The following ZNF623 variants were observed in gnomAD, a reference collection of about 807,000 sequenced individuals.
ZNF623 encodes zinc finger protein 623.
Under a neutral mutation model 24.0 loss-of-function variants are expected in ZNF623, and 16 were observed. The observed-to-expected ratio is 0.67, with a 90% CI of 0.45 to 1.01. The LOEUF is 1.01. Ranked by LOEUF, ZNF623 falls within the 50% of genes least tolerant of loss-of-function variation. The pLI is 0.00. For missense variants in ZNF623, 566 were observed against 606.5 expected (o/e 0.93, Z 0.70); for synonymous variants, 224 against 219.8 (o/e 1.02, Z -0.17).
intron 1 of ZNF623, among the ~76,000 whole-genome samples, chr8:143,646,687 CAG>C (rs1016201212): frequency 6.6e-6 from 1 of 151,806 alleles, no homozygotes; most frequent in Non-Finnish European, 1.5e-5. Context: ...TTGTTTGAGA[CAG>C]GGTTTTGCTC....
At chr8:143,637,804 T>C (rs556355270) in intron 1 of ZNF623, among the ~76,000 whole-genome samples, 16 of 152,012 alleles carry the variant, frequency 1.1e-4, no homozygotes, top group Non-Finnish European at 2.2e-4. Context: ...CACCTCGGCT[T>C]CCCAAACTGC....
chr8:143,642,184 A>C (rs978119480), intron 1 of ZNF623, among the ~76,000 whole-genome samples: 3 of 152,216 alleles, frequency 2.0e-5, no homozygotes, highest in African/African-American at 7.2e-5. Flanking sequence ...TAAAGCTTGC[A>C]GCTTCACCTT....
Position 143,651,421 on chromosome 8 carries a change from A to G in ZNF623, c.1429A>G (p.Lys477Glu). ...RVHQEGLSLSKAPIHLGERSV... is the reference protein window; with the variant it reads ...RVHQEGLSLSEAPIHLGERSV... Reference sequence around the variant, plus strand: ...TCACCAAGAGGGACTCTCCTTGAGTAAGGCCCCCATACATTTGGGTGAGAG... The same window carrying G: ...TCACCAAGAGGGACTCTCCTTGAGTGAGGCCCCCATACATTTGGGTGAGAG... Residue 477 changes from lysine (K) to glutamate (E), a missense_variant, in exon 2 of 2, where the codon AAG becomes GAG. By Grantham distance (56) the Lys-to-Glu change is moderately conservative. Around this residue, in one of 3 missense-constraint regions of ZNF623, gnomAD observed 136 missense variants for 131.9 expected, o/e 1.03. Coordinates refer to ENST00000526926, the MANE Select transcript of ZNF623 (RefSeq NM_001261843.2). The G allele has an allele frequency of 6.2e-7, 1 of 1,612,520 alleles. No homozygotes were observed. Among genetic ancestry groups the G allele is most frequent in the Non-Finnish European group, 8.5e-7 (1 of 1,179,452 alleles).
In ZNF623 at chr8:143,653,489, ACACCTGTGTAACCACCAC is replaced by A. The variant is rs557845756; in HGVS notation, c.*2026_*2043del. ...GTGTACAAGGTTTTGAAAAATCTAT[ACACCTGTGTAACCACCAC>A]CACCTGTGTAACCACCACCGCCAGA... On this transcript the variant is annotated 3_prime_UTR_variant, in exon 2 of 2. Transcript: ENST00000526926. 1.5e-4 allele frequency: 25 copies of A among 167,174 alleles called. No homozygotes were observed. The highest frequency in any genetic ancestry group is 3.4e-3 in the Middle Eastern group (1 of 296). 10.4% of individuals were successfully genotyped at this position (167,174 alleles called of 1,614,324 possible). A position where few individuals can be genotyped will look rare whatever the true frequency, so the allele number is the denominator to read the frequency against.
chr8:143,649,426 G>T (rs867283181), intron 1 of ZNF623, among the ~76,000 whole-genome samples: 11 of 152,152 alleles, frequency 7.2e-5, no homozygotes, highest in Non-Finnish European at 1.0e-4. Flanking sequence ...GTGCAGGAGG[G>T]TGATTCTCAT....
At chr8:143,646,240 G>C (rs1286133192) in intron 1 of ZNF623, among the ~76,000 whole-genome samples, 1 of 152,114 alleles carries the variant, frequency 6.6e-6, no homozygotes, top group Admixed American at 6.6e-5. Context: ...ATGGAGTCTT[G>C]CTATGTTGCC....
chr8:143,651,160 C>A lies in ZNF623; in HGVS notation c.1168C>A (p.Pro390Thr). 1 of 1,614,146 alleles carries A rather than the reference C, an allele frequency of 6.2e-7. No homozygotes were observed. Among genetic ancestry groups the A allele is most frequent in the Non-Finnish European group, 8.5e-7 (1 of 1,180,022 alleles). Residue 390 changes from proline (P) to threonine (T), a missense_variant, in exon 2 of 2, where the codon CCC becomes ACC. By Grantham distance (38) the Pro-to-Thr change is conservative. Coordinates refer to ENST00000526926, the MANE Select transcript of ZNF623 (RefSeq NM_001261843.2). ...EHQKIHSGDR[P>T]FECKDCGKAF... The stretch of plus-strand genomic sequence containing the variant: ...CCAGAAGATCCACTCTGGGGACAGG[C>A]CCTTCGAATGTAAAGACTGTGGGAA...
At chr8:143,636,931 C>T (rs1448639696) in intron 1 of ZNF623, among the ~76,000 whole-genome samples, 1 of 152,198 alleles carries the variant, frequency 6.6e-6, no homozygotes, top group East Asian at 1.9e-4. Context: ...ATGCTGGCCT[C>T]AGACTCATAG....
chr8:143,650,200 C>G lies in ZNF623; in HGVS notation c.208C>G (p.Leu70Val). ...AAGAAACCATATTCTGAACTCAGAC[C>G]TTCTTCTGCTTCAGAGAGAGCTCAT... ...SGRNHILNSD[L>V]LLLQRELIEG... The change falls in exon 2 of 2, where the codon CTT (leucine) becomes GTT (valine). Residue 70 changes from leucine (L) to valine (V), a missense_variant. Around this residue, in one of 3 missense-constraint regions of ZNF623, gnomAD observed 313 missense variants for 300.4 expected, o/e 1.04. Transcript: ENST00000526926. The surrounding 1 kb of genome is among the most constrained non-coding windows in gnomAD (Gnocchi z 5.2). 1 of 1,614,158 alleles carries G rather than the reference C, an allele frequency of 6.2e-7. No homozygotes were observed. Among genetic ancestry groups the G allele is most frequent in the East Asian group, 2.2e-5 (1 of 44,878 alleles).
At chr8:143,648,178 T>G (rs1244556886) in intron 1 of ZNF623, among the ~76,000 whole-genome samples, 1 of 152,122 alleles carries the variant, frequency 6.6e-6, no homozygotes, top group Non-Finnish European at 1.5e-5. Context: ...CACTCCCCTC[T>G]GTAATGGACA....
chr8:143,643,136 G>A (rs1167265608), intron 1 of ZNF623, among the ~76,000 whole-genome samples: 1 of 152,152 alleles, frequency 6.6e-6, no homozygotes, highest in African/African-American at 2.4e-5. Context: ...TGAGATTCAG[G>A]TGGCCCCTAG....
rs1392274896 is a variant in ZNF623 at position 143,651,358 on chromosome 8, T to G, written c.1366T>G (p.Phe456Val). The change falls in exon 2 of 2, where the codon TTT (phenylalanine) becomes GTT (valine). Residue 456 changes from phenylalanine (F) to valine (V), a missense_variant. Transcript: ENST00000526926. ...TGAATGTAGTCAGTATGGGAGAGATTTTAACTCAACTACAAACGTTAAAAA... is the reference window on the plus strand; with the variant it reads ...TGAATGTAGTCAGTATGGGAGAGATGTTAACTCAACTACAAACGTTAAAAA... ...LYECSQYGRD[F>V]NSTTNVKNNQ... The G allele has an allele frequency of 6.2e-7, 1 of 1,614,130 alleles. No homozygotes were observed. Among genetic ancestry groups the G allele is most frequent in the Non-Finnish European group, 8.5e-7 (1 of 1,180,016 alleles).
chr8:143,646,571 A>ATGTG lies in ZNF623; in HGVS notation c.-95-3325_-95-3324insTGTG, dbSNP rs1815182014. Among the ~76,000 whole-genome samples, 4 of 111,664 alleles carry ATGTG rather than the reference A, an allele frequency of 3.6e-5. No homozygotes were observed. In the East Asian group the frequency reaches 1.2e-3, roughly 34 times the overall value. 73.3% of individuals were successfully genotyped at this position (111,664 alleles called of 152,430 possible). A position where few individuals can be genotyped will look rare whatever the true frequency, so the allele number is the denominator to read the frequency against. ...CGTGTGTGTGTGTGTGTGTGTGTGC[A>ATGTG]TGCATGTATATATCACAATTCATTG... On this transcript the variant is annotated intron_variant, in intron 1 of 1. Coordinates refer to ENST00000526926, the MANE Select transcript of ZNF623 (RefSeq NM_001261843.2).
chr8:143,639,506 G>C (rs1815002523), intron 1 of ZNF623, among the ~76,000 whole-genome samples: 1 of 152,204 alleles, frequency 6.6e-6, no homozygotes, highest in African/African-American at 2.4e-5. Flanking sequence ...TTACAGGCGT[G>C]AGCCACTGCA....
intron 1 of ZNF623, among the ~76,000 whole-genome samples, chr8:143,643,518 A>G (rs1031370939): frequency 1.3e-5 from 2 of 152,200 alleles, no homozygotes; most frequent in African/African-American, 4.8e-5. Flanking sequence ...AGGCTGGGGC[A>G]TTGCCCTCCA....
rs185122420 is a variant in ZNF623, at chr8:143,651,991, C to T, written c.*508C>T. 1 of 168,264 alleles carries T rather than the reference C, an allele frequency of 5.9e-6. No homozygotes were observed. Among genetic ancestry groups the T allele is most frequent in the Non-Finnish European group, 1.5e-5 (1 of 68,830 alleles). 10.4% of individuals were successfully genotyped at this position (168,264 alleles called of 1,614,324 possible). On this transcript the variant is annotated 3_prime_UTR_variant, in exon 2 of 2. Transcript: ENST00000526926. The stretch of plus-strand genomic sequence containing the variant: ...CCTCCTGCGTCCTGGAGCCCTGCCT[C>T]CCACTGCCTGACTTCCTGCCACACG...
intron 1 of ZNF623, among the ~76,000 whole-genome samples, chr8:143,649,276 T>TA (rs538948599): frequency 0.17 from 22,836 of 130,606 alleles, 2,223 homozygotes; most frequent in East Asian, 0.49. Context: ...AGACTCCATC[T>TA]AAAAAAAAAA....
At position 143,651,648 on chromosome 8, in the gene ZNF623, C is replaced by T; in HGVS notation, c.*165C>T. 7 of 741,086 alleles carry T rather than the reference C, an allele frequency of 9.4e-6. No homozygotes were observed. The highest frequency in any genetic ancestry group is 2.0e-5 in the South Asian group (1 of 50,128). The allele number at this position is 741,086 out of a possible 1,614,324, so 45.9% of individuals were successfully genotyped here. ...TGCAGCCCTACTCGGCTCAGCCCTT[C>T]TCCTCAGCTGTGAGCACTGTCCTCA... On this transcript the variant is annotated 3_prime_UTR_variant, in exon 2 of 2. Coordinates refer to ENST00000526926, the MANE Select transcript of ZNF623 (RefSeq NM_001261843.2).
In ZNF623 at chr8:143,650,229, G is replaced by A; in HGVS notation, c.237G>A (p.Glu79=). ...TTCTGCTTCAGAGAGAGCTCATAGA[G>A]GGGGAAGCCAATCCTTGCGATATCT... ...DLLLLQRELI[E]GEANPCDICG... The change falls in exon 2 of 2, where the codon GAG becomes GAA. Residue 79 remains glutamate (E), a synonymous_variant. Transcript: ENST00000526926. This position sits in a 1 kb window ranked among gnomAD's most constrained non-coding sequence, Gnocchi z 5.2. 6.2e-7 allele frequency: 1 copy of A among 1,614,230 alleles called. No individual in the cohort carries two copies. Among genetic ancestry groups the A allele is most frequent in the Non-Finnish European group, 8.5e-7 (1 of 1,180,046 alleles).
Sources: allele counts gnomAD v4.1 joint callset (sites outside exome capture counted in the v4.1 genomes callset), GRCh38; gene constraint gnomAD v4.1.1; regional missense constraint gnomAD v4.1.1; non-coding constraint Gnocchi (gnomAD v3.1); transcripts MANE v1.5; gene names NCBI Gene and HGNC (gene_info 2026-07-23, HGNC 2026-07-21).